The following CPAMD8 variants were observed in gnomAD, a reference collection of about 807,000 sequenced individuals.
CPAMD8 encodes the protein C3 and PZP like alpha-2-macroglobulin domain containing 8, also known as C3 and PZP-like alpha-2-macroglobulin domain-containing protein 8.
Under a neutral mutation model 224.7 loss-of-function variants are expected in CPAMD8, and 146 were observed. The observed-to-expected ratio is 0.65, with a 90% CI of 0.57 to 0.75. The LOEUF (loss-of-function observed/expected upper bound fraction) is 0.75, where lower values mean the gene tolerates loss of function less well. CPAMD8 is among the 30% of genes least tolerant of loss of function. CPAMD8 has a pLI of 0.00. For synonymous variants in CPAMD8, 966 were observed against 1,044.6 expected (o/e 0.92, Z 1.45); for missense variants, 2,301 against 2,537.5 (o/e 0.91, Z 2.00).
chr19:16,896,089 C>T (rs1483213235), intron 41 of CPAMD8, 87 bp downstream of exon 41: 2 of 1,414,450 alleles, frequency 1.4e-6, no homozygotes, highest in East Asian at 2.3e-5. Flanking sequence ...GGAGTCGGGG[C>T]AGGTCGTCGG....
At position 16,896,668 on chromosome 19, in the gene CPAMD8, G is replaced by T; in HGVS notation, c.5066-3C>A. ...GCCCGACTCGCCGGGGAACCAGCCT[G>T]GGGGACGAGGCAGGCTCGACAGACC... is the stretch of plus-strand genomic sequence containing the variant. On this transcript the variant is annotated splice_polypyrimidine_tract_variant and splice_region_variant and intron_variant, in intron 39 of 41. Coordinates refer to ENST00000443236, the MANE Select transcript of CPAMD8 (RefSeq NM_015692.5). 4 of 1,451,758 alleles carry T rather than the reference G, an allele frequency of 2.8e-6. No homozygotes were observed. Among genetic ancestry groups the T allele is most frequent in the Non-Finnish European group, 3.6e-6 (4 of 1,104,434 alleles). The allele number at this position is 1,451,758 out of a possible 1,614,324, so 89.9% of individuals were successfully genotyped here.
intron 3 of CPAMD8, among the ~76,000 whole-genome samples, chr19:17,012,322 T>A (rs535015987): frequency 2.0e-5 from 3 of 149,354 alleles, no homozygotes; most frequent in East Asian, 4.0e-4. Flanking sequence ...CCCGGCCATA[T>A]CTTTTTTCTT....
intron 20 of CPAMD8, among the ~76,000 whole-genome samples, chr19:16,948,554 T>C (rs548931668): frequency 6.6e-6 from 1 of 151,800 alleles, no homozygotes; most frequent in South Asian, 2.1e-4. Context: ...TGACACCAGC[T>C]TGGCCAACAT....
intron 3 of CPAMD8, among the ~76,000 whole-genome samples, chr19:17,012,686 T>C (rs2056694442): frequency 6.6e-6 from 1 of 152,212 alleles, no homozygotes; most frequent in Non-Finnish European, 1.5e-5. Flanking sequence ...GGTCTAGTTA[T>C]GGAGCCTTCT....
Position 17,022,224 on chromosome 19 carries a change from C to G in CPAMD8, c.93-43G>C, listed in dbSNP as rs201430436. ...CGAGGTGAAGTTCTCACCCCAGACC[C>G]CTGGTCTCGCTGCCACCACAGCTAG... On this transcript the variant is annotated intron_variant, in intron 1 of 41. Transcript: ENST00000443236. 182 of 1,586,024 alleles carry G rather than the reference C, an allele frequency of 1.1e-4. 1 individual carries two copies. The East Asian group carries it at 3.1e-3, about 27-fold the overall frequency.
chr19:16,903,409 G>T, intron 34 of CPAMD8, 152 bp downstream of exon 34: 3 of 1,109,914 alleles, frequency 2.7e-6, no homozygotes, highest in Non-Finnish European at 3.8e-6. Context: ...CCTGCCTTGG[G>T]CAGTATTAGA....
chr19:16,896,419 G>GGT (rs770856179), intron 40 of CPAMD8, 37 bp downstream of exon 40: 96 of 1,482,814 alleles, frequency 6.5e-5, no homozygotes, highest in Non-Finnish European at 8.4e-5. Flanking sequence ...CAGCAGCGAT[G>GGT]GTGTCCCCGA....
At chr19:16,962,692 C>A (rs1476795551) in intron 18 of CPAMD8, among the ~76,000 whole-genome samples, 2 of 152,264 alleles carry the variant, frequency 1.3e-5, no homozygotes, top group African/African-American at 4.8e-5. Context: ...ATAAAGAGAA[C>A]ACCACAAAGA....
intron 7 of CPAMD8, among the ~76,000 whole-genome samples, chr19:17,007,623 C>T (rs11666377): frequency 0.18 from 27,315 of 152,030 alleles, 2,787 homozygotes; most frequent in African/African-American, 0.28. Context: ...TGTGGCTCTA[C>T]TGTTACCCCA....
rs185713786 is a variant in CPAMD8 at position 16,955,076 on chromosome 19, C to T, written c.2276+2777G>A. On this transcript the variant is annotated intron_variant, in intron 19 of 41. Transcript: ENST00000443236. ...CCAGGAGGCAGAGTTTGCAGTGAGC[C>T]GAGATCGCACCACTGCACTCCAGCC... Among the ~76,000 whole-genome samples, 65 of 152,124 alleles carry T rather than the reference C, an allele frequency of 4.3e-4. 1 individual carries two copies. Among genetic ancestry groups the T allele is most frequent in the African/African-American group, 1.5e-3 (62 of 41,508 alleles).
At chr19:16,909,416 C>T (rs1320073488) in intron 29 of CPAMD8, among the ~76,000 whole-genome samples, 4 of 151,890 alleles carry the variant, frequency 2.6e-5, no homozygotes, top group East Asian at 1.9e-4. Flanking sequence ...TGGTGGCGAG[C>T]GCCTGTAGAT....
chr19:17,013,191 T>A (rs994764512), intron 3 of CPAMD8, among the ~76,000 whole-genome samples: 16 of 147,348 alleles, frequency 1.1e-4, no homozygotes, highest in African/African-American at 3.0e-4. Context: ...CCAAAAAAAA[T>A]AAATAAACAA....
intron 11 of CPAMD8, among the ~76,000 whole-genome samples, chr19:16,996,390 C>T (rs915593707): frequency 1.3e-5 from 2 of 151,912 alleles, no homozygotes; most frequent in African/African-American, 2.4e-5. Context: ...CAAAATTTAC[C>T]GTGCATAAGA....
chr19:16,941,963 C>T (rs1460550379), intron 22 of CPAMD8, among the ~76,000 whole-genome samples: 4 of 151,962 alleles, frequency 2.6e-5, no homozygotes, highest in East Asian at 1.9e-4. Context: ...CAGAGCGAGA[C>T]TCCATCTCAA....
Position 16,928,179 on chromosome 19 carries a change from G to A in CPAMD8, c.3200C>T (p.Pro1067Leu), listed in dbSNP as rs200032712. The A allele has an allele frequency of 3.0e-5, 48 of 1,614,010 alleles. No homozygotes were observed. The highest frequency in any genetic ancestry group is 1.6e-4 in the Middle Eastern group (1 of 6,084). Reference sequence around the variant, plus strand: ...AATGAACTGGACCTCTGGTGGCCTCGGGAGGGTCCAGGCCACAATGACAGA... The same window carrying A: ...AATGAACTGGACCTCTGGTGGCCTCAGGAGGGTCCAGGCCACAATGACAGA... Reference protein sequence around the residue: ...NESVIVAWTLPRPPEVQFIGF... With the variant: ...NESVIVAWTLLRPPEVQFIGF... The change falls in exon 25 of 42, where the codon CCG becomes CTG. Residue 1067 changes from proline (P) to leucine (L), a missense_variant. Pro to Leu is a moderately conservative substitution (Grantham distance 98). Transcript: ENST00000443236.
intron 1 of CPAMD8, among the ~76,000 whole-genome samples, chr19:17,023,992 T>C (rs1345559962): frequency 6.6e-6 from 1 of 152,110 alleles, no homozygotes; most frequent in Non-Finnish European, 1.5e-5. Context: ...AGATCTAAAT[T>C]GAAGAAGTAA....
intron 27 of CPAMD8, among the ~76,000 whole-genome samples, chr19:16,916,173 C>A (rs1348825294): frequency 6.6e-6 from 1 of 152,004 alleles, no homozygotes; most frequent in Non-Finnish European, 1.5e-5. Context: ...GCCACGACAT[C>A]CAGCGAATTT....
At chr19:17,001,069 C>G (rs184529790) in intron 9 of CPAMD8, among the ~76,000 whole-genome samples, 42 of 152,190 alleles carry the variant, frequency 2.8e-4, no homozygotes, top group Non-Finnish European at 4.7e-4. Flanking sequence ...TGCCTGTAAT[C>G]CCAGCACTTT....
chr19:16,897,854 C>A, intron 38 of CPAMD8, 35 bp downstream of exon 38: 3 of 1,580,604 alleles, frequency 1.9e-6, no homozygotes, highest in South Asian at 1.1e-5. Context: ...GGTCAGGGAC[C>A]GGGCCGGGCC....
Sources: gnomAD v4.1 joint callset for allele counts (sites outside exome capture counted in the v4.1 genomes callset) on GRCh38, gnomAD v4.1.1 for gene constraint, MANE v1.5 for transcripts, NCBI Gene and HGNC (gene_info 2026-07-23, HGNC 2026-07-21) for gene names.